Variants in KCNH1 observed in about 807,000 individuals in gnomAD.
KCNH1 encodes the protein voltage-gated delayed rectifier potassium channel KCNH1.
Under a neutral mutation model 69.2 loss-of-function variants are expected in KCNH1, and 27 were observed. The ratio of observed to expected loss-of-function variants is 0.39; its 90% CI spans 0.29 to 0.54. The LOEUF is 0.54. Among genes scored for constraint, KCNH1 ranks in the 20% least tolerant of loss-of-function variants. The pLI is 0.68. For synonymous variants in KCNH1, 456 were observed against 487.7 expected (o/e 0.93, Z 0.86); for missense variants, 798 against 1,261.6 (o/e 0.63, Z 5.57).
At chr1:210,835,816 T>C (rs757479088) in intron 7 of KCNH1, among the ~76,000 whole-genome samples, 13 of 152,050 alleles carry the variant, frequency 8.5e-5, no homozygotes, top group Non-Finnish European at 1.9e-4. Context: ...CTGGCCTCAA[T>C]GAGAACAACT....
rs751714499 is a variant in KCNH1 at position 210,683,940 on chromosome 1, C to T, written c.2311G>A (p.Val771Ile). 3.1e-6 allele frequency: 5 copies of T among 1,608,134 alleles called. No homozygotes were observed. The highest frequency in any genetic ancestry group is 2.7e-5 in the African/African-American group (2 of 74,816). The change falls in exon 11 of 11, where the codon GTC becomes ATC. Residue 771 changes from valine (V) to isoleucine (I), a missense_variant. Transcript: ENST00000271751. The surrounding 1 kb of genome is among the most constrained non-coding windows in gnomAD (Gnocchi z 5.7). ...LDDLDVEKGN[V>I]LTEHASANHS... ...TTGGCGGAGGCATGCTCTGTAAGGACATTGCCCTTCTCCACATCTAGGTCA... is the reference window on the plus strand; with the variant it reads ...TTGGCGGAGGCATGCTCTGTAAGGATATTGCCCTTCTCCACATCTAGGTCA...
chr1:210,905,164 C>T (rs960833295), intron 7 of KCNH1, among the ~76,000 whole-genome samples: 1 of 152,152 alleles, frequency 6.6e-6, no homozygotes, highest in African/African-American at 2.4e-5. Context: ...TCTGCAGTTA[C>T]GATTTATGAA....
chr1:210,775,602 G>T lies in KCNH1; in HGVS notation c.1916-58C>A, dbSNP rs952019878. ...TGGCCAGGAGAGGTCTGCCCATCCAGCTGGCTTCCCTCTATTCCCCAGAAT... is the reference window on the plus strand; with the variant it reads ...TGGCCAGGAGAGGTCTGCCCATCCATCTGGCTTCCCTCTATTCCCCAGAAT... On this transcript the variant is annotated intron_variant, in intron 9 of 10. Transcript: ENST00000271751. 4 of 1,393,824 alleles carry T rather than the reference G, an allele frequency of 2.9e-6. No individual in the cohort carries two copies. In the African/African-American group the frequency reaches 5.7e-5, roughly 20 times the overall value. 86.3% of individuals were successfully genotyped at this position (1,393,824 alleles called of 1,614,324 possible).
chr1:210,917,692 G>A (rs1687376815), intron 7 of KCNH1, among the ~76,000 whole-genome samples: 1 of 152,080 alleles, frequency 6.6e-6, no homozygotes, highest in African/African-American at 2.4e-5. Flanking sequence ...TGACAAAGTG[G>A]CTCATCTCCC....
chr1:211,034,508 A>C (rs1027264536), intron 5 of KCNH1, among the ~76,000 whole-genome samples: 7 of 152,176 alleles, frequency 4.6e-5, no homozygotes, highest in Admixed American at 6.5e-5. Flanking sequence ...TACCTTGACT[A>C]TATCAATGCC....
intron 5 of KCNH1, among the ~76,000 whole-genome samples, chr1:211,057,310 T>C (rs960886697): frequency 1.3e-5 from 2 of 152,222 alleles, no homozygotes; most frequent in African/African-American, 4.8e-5. Flanking sequence ...GAAGACAGGC[T>C]ATTTGAAAAT....
At chr1:210,800,528 G>A (rs1321633414) in intron 8 of KCNH1, among the ~76,000 whole-genome samples, 1 of 152,184 alleles carries the variant, frequency 6.6e-6, no homozygotes, top group Non-Finnish European at 1.5e-5. Context: ...CAGAGCCAAT[G>A]GAGAGTACAG....
At chr1:210,821,737 C>A (rs565632209) in intron 7 of KCNH1, among the ~76,000 whole-genome samples, 1 of 151,958 alleles carries the variant, frequency 6.6e-6, no homozygotes, top group Non-Finnish European at 1.5e-5. Flanking sequence ...TGAAGCTGTA[C>A]GACTATTTAA....
chr1:210,939,293 A>G (rs1160401412), intron 6 of KCNH1, among the ~76,000 whole-genome samples: 1 of 152,212 alleles, frequency 6.6e-6, no homozygotes, highest in Admixed American at 6.5e-5. Flanking sequence ...ATGCTTTGTT[A>G]TATGGCAATA....
At chr1:211,106,043 A>G (rs1353244556) in intron 2 of KCNH1, among the ~76,000 whole-genome samples, 1 of 152,258 alleles carries the variant, frequency 6.6e-6, no homozygotes, top group African/African-American at 2.4e-5. Flanking sequence ...GTAAAGTGAC[A>G]TGGCTGACTT....
chr1:210,734,605 C>T (rs955204463), intron 10 of KCNH1, among the ~76,000 whole-genome samples: 2 of 152,112 alleles, frequency 1.3e-5, no homozygotes, highest in Non-Finnish European at 2.9e-5. Context: ...CAGGAAGCAG[C>T]ATTTGGAAAC....
At chr1:210,746,299 C>T (rs2149039909) in intron 10 of KCNH1, among the ~76,000 whole-genome samples, 1 of 152,318 alleles carries the variant, frequency 6.6e-6, no homozygotes. Flanking sequence ...TTAGGTGAAA[C>T]TCATAACAAT....
At chr1:210,856,898 T>TATATATATATATATATATATATAAAA in intron 7 of KCNH1, among the ~76,000 whole-genome samples, 1 of 121,684 alleles carries the variant, frequency 8.2e-6, no homozygotes, top group African/African-American at 2.8e-5. Context: ...TATATATATA[T>TATATATATATATATATATATATAAAA]AAAATACTCA....
At chr1:210,861,877 A>G in intron 7 of KCNH1, 1 of 763,504 alleles carries the variant, frequency 1.3e-6, no homozygotes, top group Admixed American at 1.7e-5. Flanking sequence ...ATCACACTGA[A>G]GATAAAAGCC....
At chr1:210,801,200 C>T (rs942091096) in intron 8 of KCNH1, among the ~76,000 whole-genome samples, 1 of 152,180 alleles carries the variant, frequency 6.6e-6, no homozygotes, top group African/African-American at 2.4e-5. Flanking sequence ...GACATAAAAA[C>T]AGGCTTGGAG....
chr1:210,937,914 C>A (rs1687802175), intron 6 of KCNH1, among the ~76,000 whole-genome samples: 1 of 152,220 alleles, frequency 6.6e-6, no homozygotes, highest in Admixed American at 6.5e-5. Context: ...AATATAGACC[C>A]TTTCCCTGGG....
intron 6 of KCNH1, among the ~76,000 whole-genome samples, chr1:210,941,404 T>C (rs4951489): frequency 0.079 from 11,958 of 152,084 alleles, 668 homozygotes; most frequent in South Asian, 0.18. Context: ...CACTAGCAGG[T>C]TGGGGGCAAG....
chr1:210,995,176 A>T (rs536766814), intron 6 of KCNH1, among the ~76,000 whole-genome samples: 1 of 152,196 alleles, frequency 6.6e-6, no homozygotes, highest in Non-Finnish European at 1.5e-5. Context: ...TATTAAGTAG[A>T]AGTCACTGGA....
At chr1:210,987,188 A>AT (rs1448463784) in intron 6 of KCNH1, among the ~76,000 whole-genome samples, 1 of 151,836 alleles carries the variant, frequency 6.6e-6, no homozygotes, top group Non-Finnish European at 1.5e-5. Context: ...CATTCGTCTA[A>AT]TTTTTTTCAA....
Sources: allele counts gnomAD v4.1 joint callset (sites outside exome capture counted in the v4.1 genomes callset), GRCh38; gene constraint gnomAD v4.1.1; non-coding constraint Gnocchi (gnomAD v3.1); transcripts MANE v1.5; gene names NCBI Gene and HGNC (gene_info 2026-07-23, HGNC 2026-07-21).